CNGB3: variants seen among roughly 807,000 people sequenced by gnomAD.
The protein encoded by CNGB3 is cyclic nucleotide-gated channel beta-3.
A neutral mutation model predicts 92.8 loss-of-function variants in CNGB3; 86 were observed. The observed-to-expected ratio is 0.93, with a 90% CI of 0.78 to 1.11. The LOEUF (loss-of-function observed/expected upper bound fraction) is 1.11. Among genes scored for constraint, CNGB3 ranks in the 50% least tolerant of loss-of-function variants. CNGB3 has a pLI of 0.00. For missense variants in CNGB3, 1,026 were observed against 956.8 expected (o/e 1.07, Z -0.95); for synonymous variants, 333 against 332.7 (o/e 1.00, Z -0.01).
chr8:86,681,118 A>T (rs2131627886), intron 3 of CNGB3, among the ~76,000 whole-genome samples: 1 of 152,304 alleles, frequency 6.6e-6, no homozygotes, highest in South Asian at 2.1e-4. Context: ...GCACTGAAGA[A>T]AACAAATTTA....
At position 86,575,623 on chromosome 8, in the gene CNGB3, ATCT is replaced by A. The variant is rs1398295511; in HGVS notation, c.*178_*180del. 1.1e-5 allele frequency: 6 copies of A among 537,214 alleles called. No individual in the cohort carries two copies. Among genetic ancestry groups the A allele is most frequent in the East Asian group, 6.0e-5 (2 of 33,344 alleles). The allele number at this position is 537,214 out of a possible 1,614,324, so 33.3% of individuals were successfully genotyped here. ...CGGAGAATAGGGATGGCTTTTAATA[ATCT>A]TCTTATTACCACTGCATGAAATCAC... is the stretch of plus-strand genomic sequence containing the variant. On this transcript the variant is annotated 3_prime_UTR_variant, in exon 18 of 18. Transcript: ENST00000320005.
At chr8:86,657,947 C>G (rs1462046959) in intron 6 of CNGB3, 10 of 552,832 alleles carry the variant, frequency 1.8e-5, no homozygotes, top group Non-Finnish European at 2.9e-5. Context: ...CTGGCCTCCC[C>G]CTCACTGATG....
intron 2 of CNGB3, among the ~76,000 whole-genome samples, chr8:86,738,651 A>G (rs1348506732): frequency 6.7e-6 from 1 of 149,190 alleles, no homozygotes; most frequent in Non-Finnish European, 1.5e-5. Context: ...CATCCTGGCT[A>G]ACACAGTGAA....
chr8:86,707,862 C>T (rs1824679381), intron 3 of CNGB3: 1 of 152,054 alleles, frequency 6.6e-6, no homozygotes, highest in African/African-American at 2.4e-5. Context: ...GAATAGCCGA[C>T]AGAATTTGCT....
At chr8:86,588,598 T>G (rs919804199) in intron 15 of CNGB3, among the ~76,000 whole-genome samples, 18 of 151,438 alleles carry the variant, frequency 1.2e-4, no homozygotes, top group Non-Finnish European at 4.4e-5. Context: ...GAGATAATCA[T>G]GCGGTTTTTG....
At chr8:86,614,357 T>C (rs74798841) in intron 13 of CNGB3, among the ~76,000 whole-genome samples, 2,912 of 152,192 alleles carry the variant, frequency 0.019, 86 homozygotes, top group African/African-American at 0.067. Context: ...ATGGAACTCA[T>C]GTCTGCTTGC....
At chr8:86,604,324 G>T in intron 14 of CNGB3, 113 bp from the exon 15 acceptor site, 1 of 688,144 alleles carries the variant, frequency 1.5e-6, no homozygotes. Context: ...AGGAAGCAAA[G>T]AACATTAGTG....
At chr8:86,677,725 T>C (rs1424529241) in intron 3 of CNGB3, among the ~76,000 whole-genome samples, 5 of 152,174 alleles carry the variant, frequency 3.3e-5, no homozygotes, top group African/African-American at 1.2e-4. Flanking sequence ...GTCAGTGGCA[T>C]CTTATGCTGC....
At chr8:86,605,757 A>C (rs185567295) in intron 14 of CNGB3, among the ~76,000 whole-genome samples, 1 of 152,166 alleles carries the variant, frequency 6.6e-6, no homozygotes, top group Non-Finnish European at 1.5e-5. Context: ...AATGAGGAAA[A>C]TATAACTTAA....
chr8:86,659,577 A>T, intron 6 of CNGB3: 1 of 562,436 alleles, frequency 1.8e-6, no homozygotes, highest in Non-Finnish European at 3.4e-6. Context: ...TTCTTCTGCT[A>T]TGTAGAGACA....
intron 13 of CNGB3, among the ~76,000 whole-genome samples, chr8:86,615,027 A>G (rs1450863445): frequency 5.9e-5 from 9 of 152,216 alleles, no homozygotes. Context: ...CAATAACAAA[A>G]TACAAACGAA....
intron 3 of CNGB3, among the ~76,000 whole-genome samples, chr8:86,714,784 C>G (rs550509221): frequency 6.6e-6 from 1 of 152,150 alleles, no homozygotes; most frequent in Non-Finnish European, 1.5e-5. Context: ...TGGAAATAGA[C>G]TCAGTGCTAC....
rs539804393 is a variant in CNGB3 at position 86,731,596 on chromosome 8, T to C, written c.212-4939A>G. 1.3e-3 allele frequency among the ~76,000 whole-genome samples: 195 copies of C among 152,248 alleles called. 1 individual carries two copies. Among genetic ancestry groups the C allele is most frequent in the African/African-American group, 4.6e-3 (189 of 41,536 alleles). On this transcript the variant is annotated intron_variant, in intron 2 of 17. Transcript: ENST00000320005. ...GAGATTAATTCATCTAGAAAACACA[T>C]TTTATATATAGGTATTAAGGAGTGT...
At chr8:86,689,400 A>G (rs192953787) in intron 3 of CNGB3, among the ~76,000 whole-genome samples, 87 of 151,778 alleles carry the variant, frequency 5.7e-4, no homozygotes, top group Admixed American at 2.6e-3. Flanking sequence ...GTATTACTGT[A>G]TTGGGGCCTA....
At chr8:86,633,610 G>T (rs1360449933) in intron 10 of CNGB3, among the ~76,000 whole-genome samples, 1 of 152,154 alleles carries the variant, frequency 6.6e-6, no homozygotes, top group Admixed American at 6.5e-5. Flanking sequence ...TTGTCACATT[G>T]TATTTGTCAG....
chr8:86,687,736 A>C (rs1461458060), intron 3 of CNGB3, among the ~76,000 whole-genome samples: 3 of 151,978 alleles, frequency 2.0e-5, no homozygotes, highest in Admixed American at 6.6e-5. Flanking sequence ...ACCATTATTC[A>C]TCCACTCAAT....
intron 4 of CNGB3, among the ~76,000 whole-genome samples, chr8:86,670,096 C>T (rs1207746439): frequency 1.3e-5 from 2 of 152,148 alleles, no homozygotes; most frequent in African/African-American, 4.8e-5. Context: ...GATCTGCCTG[C>T]CTCGGCCTCC....
intron 15 of CNGB3, among the ~76,000 whole-genome samples, chr8:86,597,154 C>T (rs1420844847): frequency 6.6e-6 from 1 of 152,114 alleles, no homozygotes; most frequent in Admixed American, 6.5e-5. Context: ...ACATGTACCC[C>T]AGAACGTAAA....
At chr8:86,615,727 A>T (rs1310850915) in intron 13 of CNGB3, among the ~76,000 whole-genome samples, 1 of 152,144 alleles carries the variant, frequency 6.6e-6, no homozygotes, top group African/African-American at 2.4e-5. Context: ...GTATGATTCC[A>T]CCTACAAAAA....
Sources: gnomAD v4.1 joint callset for allele counts (sites outside exome capture counted in the v4.1 genomes callset) on GRCh38, gnomAD v4.1.1 for gene constraint, MANE v1.5 for transcripts, NCBI Gene and HGNC (gene_info 2026-07-23, HGNC 2026-07-21) for gene names.